SLC11A2: variants seen among roughly 807,000 people sequenced by gnomAD.
The protein encoded by SLC11A2 is solute carrier family 11 member 2, also known as natural resistance-associated macrophage protein 2.
In SLC11A2, 38 loss-of-function variants were observed where a neutral mutation model predicts 68.0. The observed-to-expected ratio is 0.56, with a 90% CI of 0.43 to 0.73. SLC11A2 has a LOEUF of 0.73. SLC11A2 is among the 30% of genes least tolerant of loss of function. The pLI, the probability that SLC11A2 is intolerant of heterozygous loss-of-function variation, is 0.00. For missense variants in SLC11A2, 517 were observed against 690.5 expected, an observed-to-expected ratio of 0.75 and a Z score of 2.82; for synonymous variants, 242 against 250.6, an observed-to-expected ratio of 0.97 and a Z score of 0.32.
At chr12:50,963,199 A>G in the SLC11A2 span, among the ~76,000 whole-genome samples, 1 of 151,724 alleles carries the variant, frequency 6.6e-6, no homozygotes, top group African/African-American at 2.4e-5. Context: ...GTGAAACCCC[A>G]TCTCTACTTA....
At chr12:51,021,002 G>C (rs552338735) in intron 1 of SLC11A2, among the ~76,000 whole-genome samples, 62 of 152,168 alleles carry the variant, frequency 4.1e-4, no homozygotes, top group African/African-American at 1.4e-3. Context: ...AAGGTGGGAG[G>C]ATCCCTTGAG....
In SLC11A2 at chr12:50,986,584, T is replaced by A. The variant is rs751992159; in HGVS notation, c.*1741A>T. The A allele has an allele frequency of 4.0e-5, 52 of 1,286,876 alleles. No individual in the cohort carries two copies. Among genetic ancestry groups the A allele is most frequent in the Non-Finnish European group, 4.8e-5 (47 of 988,646 alleles). The allele number at this position is 1,286,876 out of a possible 1,614,324, so 79.7% of individuals were successfully genotyped here. A position where few individuals can be genotyped will look rare whatever the true frequency, so the allele number is the denominator to read the frequency against. ...ATCTTTATAAAGAATTTTTTTTTTG[T>A]CGTCAGTTTGGCCTTTCCTACTGCA... is the stretch of plus-strand genomic sequence containing the variant. On this transcript the variant is annotated 3_prime_UTR_variant, in exon 16 of 16. Transcript: ENST00000262052.
intron 1 of SLC11A2, chr12:51,024,802 A>T (rs1944273053): frequency 6.6e-6 from 1 of 152,208 alleles, no homozygotes; most frequent in Non-Finnish European, 1.5e-5. Context: ...GTAAGATTAG[A>T]TTCATAAGAA....
In SLC11A2 at chr12:50,986,265, G is replaced by A; in HGVS notation, c.*2060C>T. 4 of 1,285,700 alleles carry A rather than the reference G, an allele frequency of 3.1e-6. No homozygotes were observed. Among genetic ancestry groups the A allele is most frequent in the Non-Finnish European group, 4.1e-6 (4 of 987,312 alleles). 79.6% of individuals were successfully genotyped at this position (1,285,700 alleles called of 1,614,324 possible). On this transcript the variant is annotated 3_prime_UTR_variant, in exon 16 of 16. Coordinates refer to ENST00000262052, the MANE Select transcript of SLC11A2 (RefSeq NM_000617.3). ...ACTGTCAAAACTCACTGGATATGCT[G>A]GAATTGGAGGACTTAAATTTCTACA... is the stretch of plus-strand genomic sequence containing the variant.
At chr12:50,963,873 C>G in the SLC11A2 span, among the ~76,000 whole-genome samples, 1 of 152,184 alleles carries the variant, frequency 6.6e-6, no homozygotes, top group Non-Finnish European at 1.5e-5. Flanking sequence ...CAGCCCTTGT[C>G]AACTTGACAT....
chr12:50,991,019 T>C, intron 14 of SLC11A2, 71 bp from the exon 15 acceptor site: 1 of 1,377,186 alleles, frequency 7.3e-7, no homozygotes, highest in Non-Finnish European at 1.0e-6. Context: ...GGAAACAGGA[T>C]GGGAATTAGA....
At chr12:51,023,540 A>G (rs1227750309) in intron 1 of SLC11A2, among the ~76,000 whole-genome samples, 1 of 152,180 alleles carries the variant, frequency 6.6e-6, no homozygotes, top group Non-Finnish European at 1.5e-5. Context: ...AAATGCCCCT[A>G]CCTTTTTTCC....
rs1211066738 is a variant in SLC11A2, at chr12:50,987,879, G to C, written c.*446C>G. On this transcript the variant is annotated 3_prime_UTR_variant, in exon 16 of 16. Transcript: ENST00000262052. ...AAAATAACTGAAAAGGTAGGTATAA[G>C]GAAAATTTCTCAGCCTTTAAAAATC... The C allele has an allele frequency of 1.6e-6, 2 of 1,269,998 alleles. No individual in the cohort carries two copies. The highest frequency in any genetic ancestry group is 2.0e-6 in the Non-Finnish European group (2 of 979,640). The allele number at this position is 1,269,998 out of a possible 1,614,324, so 78.7% of individuals were successfully genotyped here. A position where few individuals can be genotyped will look rare whatever the true frequency, so the allele number is the denominator to read the frequency against.
At chr12:51,009,076 G>T in intron 2 of SLC11A2, 1 of 1,154,292 alleles carries the variant, frequency 8.7e-7, no homozygotes, top group Non-Finnish European at 1.3e-6. Flanking sequence ...GGCCTGTCTA[G>T]CGAAATGTCC....
chr12:50,995,415 C>A (rs1941610744), intron 10 of SLC11A2, among the ~76,000 whole-genome samples: 1 of 152,196 alleles, frequency 6.6e-6, no homozygotes, highest in Admixed American at 6.5e-5. Context: ...TTGTTGACTA[C>A]TCCCAAACAA....
chr12:51,010,891 G>T, intron 1 of SLC11A2, 125 bp from the exon 2 acceptor site: 1 of 499,198 alleles, frequency 2.0e-6, no homozygotes, highest in Non-Finnish European at 3.7e-6. Flanking sequence ...TACTGAATTA[G>T]GTAACCTTGA....
chr12:50,970,992 A>G, the SLC11A2 span, among the ~76,000 whole-genome samples: 1 of 151,710 alleles, frequency 6.6e-6, no homozygotes, highest in African/African-American at 2.4e-5. Context: ...GATTCTCCTG[A>G]CTCAGCCTCC....
intron 1 of SLC11A2, among the ~76,000 whole-genome samples, chr12:51,019,139 C>T (rs12320480): frequency 0.014 from 2,062 of 152,296 alleles, 44 homozygotes; most frequent in African/African-American, 0.046. Context: ...TTCATTCTTC[C>T]TCAGGCACTG....
intron 1 of SLC11A2, among the ~76,000 whole-genome samples, chr12:51,014,760 G>C (rs185716410): frequency 6.6e-6 from 1 of 152,230 alleles, no homozygotes; most frequent in African/African-American, 2.4e-5. Context: ...GGCAGAAGCA[G>C]GAGAATCGTT....
At chr12:50,954,777 T>C in the SLC11A2 span, among the ~76,000 whole-genome samples, 6 of 152,122 alleles carry the variant, frequency 3.9e-5, no homozygotes, top group Non-Finnish European at 8.8e-5. Context: ...CATCTAATGT[T>C]TTTAATGCTC....
At chr12:51,002,771 C>T (rs1399231452) in intron 5 of SLC11A2, among the ~76,000 whole-genome samples, 1 of 150,170 alleles carries the variant, frequency 6.7e-6, no homozygotes, top group Non-Finnish European at 1.5e-5. Flanking sequence ...GAAACCTCAT[C>T]TCTACTAAAA....
chr12:50,992,372 G>A (rs762373867), intron 12 of SLC11A2, 33 bp from the exon 13 acceptor site: 17 of 1,611,306 alleles, frequency 1.1e-5, no homozygotes, highest in Non-Finnish European at 1.3e-5. Context: ...ATGACTGTCT[G>A]CAACAGGAAA....
chr12:50,987,879 G>A lies in SLC11A2; in HGVS notation c.*446C>T. The A allele has an allele frequency of 7.9e-7, 1 of 1,269,998 alleles. No individual in the cohort carries two copies. Among genetic ancestry groups the A allele is most frequent in the Non-Finnish European group, 1.0e-6 (1 of 979,640 alleles). The allele number at this position is 1,269,998 out of a possible 1,614,324, so 78.7% of individuals were successfully genotyped here. A position where few individuals can be genotyped will look rare whatever the true frequency, so the allele number is the denominator to read the frequency against. ...AAAATAACTGAAAAGGTAGGTATAA[G>A]GAAAATTTCTCAGCCTTTAAAAATC... On this transcript the variant is annotated 3_prime_UTR_variant, in exon 16 of 16. Transcript: ENST00000262052.
chr12:50,962,527 C>T, the SLC11A2 span, among the ~76,000 whole-genome samples: 1 of 151,888 alleles, frequency 6.6e-6, no homozygotes, highest in Non-Finnish European at 1.5e-5. Flanking sequence ...TGGTGAAACC[C>T]TATCTCTACT....
Sources: gnomAD v4.1 joint callset for allele counts (sites outside exome capture counted in the v4.1 genomes callset) on GRCh38, gnomAD v4.1.1 for gene constraint, MANE v1.5 for transcripts, NCBI Gene and HGNC (gene_info 2026-07-23, HGNC 2026-07-21) for gene names.